Variants in CNTNAP5 observed in about 807,000 individuals in gnomAD.
CNTNAP5 encodes contactin associated protein family member 5.
Under a neutral mutation model 150.2 loss-of-function variants are expected in CNTNAP5, and 72 were observed. That is an observed-to-expected ratio of 0.48 (90% confidence interval 0.40 to 0.58). The LOEUF is 0.58. CNTNAP5 is among the 20% of genes least tolerant of loss of function. The pLI, the probability that CNTNAP5 is intolerant of heterozygous loss-of-function variation, is 0.00. For synonymous variants in CNTNAP5, 672 were observed against 619.8 expected, an observed-to-expected ratio of 1.08 and a Z score of -1.25; for missense variants, 1,636 against 1,626.2, an observed-to-expected ratio of 1.01 and a Z score of -0.10.
At chr2:124,604,255 T>G in intron 11 of CNTNAP5, among the ~76,000 whole-genome samples, 1 of 152,306 alleles carries the variant, frequency 6.6e-6, no homozygotes. Context: ...ATAAGTAATT[T>G]AGTTTCTGTT....
chr2:124,870,025 T>C (rs1406087533), intron 21 of CNTNAP5, among the ~76,000 whole-genome samples: 1 of 152,130 alleles, frequency 6.6e-6, no homozygotes, highest in Non-Finnish European at 1.5e-5. Flanking sequence ...TTTACTTAAT[T>C]TTCAAATATA....
At chr2:124,563,699 AG>A (rs1290497189) in intron 11 of CNTNAP5, among the ~76,000 whole-genome samples, 2 of 152,208 alleles carry the variant, frequency 1.3e-5, no homozygotes, top group East Asian at 3.9e-4. Context: ...CTGTGGTCTA[AG>A]TAACAAGGTC....
At chr2:124,496,792 A>C (rs1235740115) in intron 7 of CNTNAP5, among the ~76,000 whole-genome samples, 1 of 152,132 alleles carries the variant, frequency 6.6e-6, no homozygotes, top group Non-Finnish European at 1.5e-5. Context: ...GAGGAGTCTC[A>C]ATGGGAGCAG....
intron 3 of CNTNAP5, among the ~76,000 whole-genome samples, chr2:124,414,455 T>C (rs1030121797): frequency 5.3e-5 from 8 of 152,096 alleles, no homozygotes; most frequent in African/African-American, 1.9e-4. Context: ...TGTGAGACCT[T>C]GGATCTGCTT....
intron 3 of CNTNAP5, among the ~76,000 whole-genome samples, chr2:124,407,444 G>A (rs1691602801): frequency 6.6e-6 from 1 of 152,086 alleles, no homozygotes; most frequent in African/African-American, 2.4e-5. Flanking sequence ...ACTAACAAAT[G>A]TAACAAATTA....
intron 13 of CNTNAP5, among the ~76,000 whole-genome samples, chr2:124,733,139 A>AT (rs56023434): frequency 0.023 from 3,427 of 152,170 alleles, 139 homozygotes; most frequent in East Asian, 0.1. Context: ...CTCCATGTGT[A>AT]TATTCTAAAC....
rs76339423 is a variant in CNTNAP5, at chr2:124,377,078, A to C, written c.382-40365A>C. 1.8e-4 allele frequency among the ~76,000 whole-genome samples: 27 copies of C among 152,250 alleles called. No homozygotes were observed. The East Asian group carries it at 5.2e-3, about 30-fold the overall frequency. On this transcript the variant is annotated intron_variant, in intron 3 of 23. Coordinates refer to ENST00000682447, the MANE Select transcript of CNTNAP5 (RefSeq NM_001367498.1). ...ACAAAATAAAAGTCTCCAAGGAGAA[A>C]GAAGTTGGAAAAAATCTTTAATAGC... is the stretch of plus-strand genomic sequence containing the variant.
chr2:124,887,920 AT>A (rs376585354), intron 21 of CNTNAP5, among the ~76,000 whole-genome samples: 72 of 151,968 alleles, frequency 4.7e-4, no homozygotes, highest in African/African-American at 1.6e-3. Context: ...GTCATCAATG[AT>A]TTTTTTTAAA....
chr2:124,026,156 G>C (rs1270430710), intron 1 of CNTNAP5, among the ~76,000 whole-genome samples: 1 of 152,108 alleles, frequency 6.6e-6, no homozygotes, highest in East Asian at 1.9e-4. Context: ...GCAGTGCCTC[G>C]GATTTGCAGT....
At chr2:124,138,809 G>T (rs910764281) in intron 1 of CNTNAP5, among the ~76,000 whole-genome samples, 1 of 151,940 alleles carries the variant, frequency 6.6e-6, no homozygotes, top group African/African-American at 2.4e-5. Flanking sequence ...AGTTCCAGCT[G>T]ATCCTTCCCC....
chr2:124,194,342 A>G (rs1685527592), intron 1 of CNTNAP5, among the ~76,000 whole-genome samples: 2 of 133,646 alleles, frequency 1.5e-5, no homozygotes, highest in African/African-American at 5.6e-5. Flanking sequence ...CTCAAATTGC[A>G]CATAGCACAG....
chr2:124,874,971 A>C (rs1303784213), intron 21 of CNTNAP5, among the ~76,000 whole-genome samples: 1 of 152,104 alleles, frequency 6.6e-6, no homozygotes, highest in East Asian at 1.9e-4. Flanking sequence ...AAAAAAATAC[A>C]GAAATTGAAA....
chr2:124,791,318 C>T (rs1241456785), intron 18 of CNTNAP5, among the ~76,000 whole-genome samples: 1 of 152,166 alleles, frequency 6.6e-6, no homozygotes, highest in Admixed American at 6.5e-5. Context: ...TGTCATGCTT[C>T]TTGGGAGAAA....
At chr2:124,317,872 A>C (rs1311586063) in intron 3 of CNTNAP5, among the ~76,000 whole-genome samples, 1 of 152,178 alleles carries the variant, frequency 6.6e-6, no homozygotes, top group African/African-American at 2.4e-5. Flanking sequence ...ATATTCCAGA[A>C]CTTTTGCTAG....
intron 8 of CNTNAP5, among the ~76,000 whole-genome samples, chr2:124,504,900 G>T (rs992151068): frequency 2.0e-5 from 3 of 151,854 alleles, no homozygotes; most frequent in Non-Finnish European, 2.9e-5. Context: ...TAGAGATGGG[G>T]TTTCACCATG....
At chr2:124,779,137 A>T (rs1426300884) in intron 17 of CNTNAP5, among the ~76,000 whole-genome samples, 2 of 152,304 alleles carry the variant, frequency 1.3e-5, no homozygotes, top group African/African-American at 4.8e-5. Flanking sequence ...GACAGTCTTC[A>T]TCTGTCTGCA....
chr2:124,499,498 A>T (rs556925412), intron 7 of CNTNAP5, among the ~76,000 whole-genome samples: 92 of 152,240 alleles, frequency 6.0e-4, no homozygotes, highest in African/African-American at 1.8e-3. Flanking sequence ...CTGGTGGAGG[A>T]AGGAAGGCAC....
At chr2:124,513,032 C>G (rs988106697) in intron 8 of CNTNAP5, among the ~76,000 whole-genome samples, 1 of 152,176 alleles carries the variant, frequency 6.6e-6, no homozygotes, top group Admixed American at 6.5e-5. Context: ...CTTTGGTTTT[C>G]TTCTTTTTAA....
intron 8 of CNTNAP5, among the ~76,000 whole-genome samples, chr2:124,524,086 G>T (rs112995524): frequency 2.4e-3 from 368 of 151,982 alleles, no homozygotes; most frequent in African/African-American, 8.5e-3. Context: ...ATCAGAAGTA[G>T]TTCAGCCGTC....
Sources: allele counts gnomAD v4.1 joint callset (sites outside exome capture counted in the v4.1 genomes callset), GRCh38; gene constraint gnomAD v4.1.1; transcripts MANE v1.5; gene names NCBI Gene and HGNC (gene_info 2026-07-23, HGNC 2026-07-21).